CELF2: variants seen among roughly 807,000 people sequenced by gnomAD.
CELF2 encodes the protein CUG triplet repeat RNA-binding protein 2.
Under a neutral mutation model 62.6 loss-of-function variants are expected in CELF2, and 8 were observed. The ratio of observed to expected loss-of-function variants is 0.13; its 90% confidence interval spans 0.07 to 0.23. CELF2 has a LOEUF of 0.23. CELF2 is among the 10% of genes least tolerant of loss of function. CELF2 has a pLI of 1.00. For missense variants in CELF2, 333 were observed against 671.0 expected (o/e 0.50, Z 5.56); for synonymous variants, 258 against 250.0 (o/e 1.03, Z -0.30).
At chr10:10,669,892 T>C in the CELF2 span, among the ~76,000 whole-genome samples, 1 of 143,110 alleles carries the variant, frequency 7.0e-6, no homozygotes, top group Non-Finnish European at 1.5e-5. Context: ...CTGAGTCTCT[T>C]ATATGCCTTT....
At chr10:10,663,775 C>T in the CELF2 span, among the ~76,000 whole-genome samples, 3 of 152,288 alleles carry the variant, frequency 2.0e-5, no homozygotes, top group African/African-American at 7.2e-5. Flanking sequence ...TGAATCACAG[C>T]ATGCAACAGA....
the CELF2 span, among the ~76,000 whole-genome samples, chr10:10,624,619 G>A: frequency 7.9e-5 from 12 of 152,234 alleles, no homozygotes; most frequent in South Asian, 1.2e-3. Flanking sequence ...CATGTTTTCC[G>A]CACAGAAACC....
chr10:11,141,680 C>G (rs2061375047), intron 1 of CELF2, among the ~76,000 whole-genome samples: 1 of 152,220 alleles, frequency 6.6e-6, no homozygotes, highest in Admixed American at 6.5e-5. Context: ...ACTAATCAAT[C>G]ATTGCATGTT....
the CELF2 span, among the ~76,000 whole-genome samples, chr10:10,497,582 T>C: frequency 1.3e-5 from 2 of 151,624 alleles, no homozygotes; most frequent in African/African-American, 4.9e-5. Context: ...GGGTTGGGGA[T>C]GAGGGTTTTT....
chr10:10,974,396 C>G (rs575884520), intron 2 of CELF2, among the ~76,000 whole-genome samples: 1 of 152,092 alleles, frequency 6.6e-6, no homozygotes, highest in African/African-American at 2.4e-5. Context: ...GTGTTAGAAA[C>G]AGTAAGCCTG....
At position 11,018,221 on chromosome 10, in the gene CELF2, G is replaced by C. The variant is rs983811848; in HGVS notation, c.74+58G>C. ...CGGGCGTCCTCCTCCCAGAGTCGGC[G>C]GCGCGAAGGGGACGGGCGTCGCCCG... On this transcript the variant is annotated intron_variant, in intron 1 of 12. Coordinates refer to ENST00000633077, the MANE Select transcript of CELF2 (RefSeq NM_001326342.2). The C allele has an allele frequency of 4.2e-6, 6 of 1,430,998 alleles. No homozygotes were observed. The African/African-American group carries it at 9.0e-5, about 21-fold the overall frequency. The allele number at this position is 1,430,998 out of a possible 1,614,324, so 88.6% of individuals were successfully genotyped here.
intron 2 of CELF2, among the ~76,000 whole-genome samples, chr10:11,209,491 A>G (rs1048344120): frequency 6.6e-6 from 1 of 151,350 alleles, no homozygotes; most frequent in Non-Finnish European, 1.5e-5. Context: ...CTTTCTAAGA[A>G]TGTCATTTTG....
intron 1 of CELF2, among the ~76,000 whole-genome samples, chr10:10,831,961 G>T (rs2057896134): frequency 6.6e-6 from 1 of 151,486 alleles, no homozygotes; most frequent in Non-Finnish European, 1.5e-5. Flanking sequence ...GACAGAGCGA[G>T]ACTCCATCTT....
At chr10:10,556,987 T>G in the CELF2 span, among the ~76,000 whole-genome samples, 1 of 146,908 alleles carries the variant, frequency 6.8e-6, no homozygotes, top group Non-Finnish European at 1.5e-5. Flanking sequence ...GTAGGTTGCC[T>G]GTTCACTCTG....
chr10:10,554,976 G>T, the CELF2 span, among the ~76,000 whole-genome samples: 11 of 152,156 alleles, frequency 7.2e-5, no homozygotes, highest in African/African-American at 2.7e-4. Flanking sequence ...TACAGGAAAA[G>T]AAGGGCATGA....
chr10:11,217,369 AT>A lies in CELF2; in HGVS notation c.272-55del. On this transcript the variant is annotated intron_variant, in intron 2 of 12. Coordinates refer to ENST00000633077, the MANE Select transcript of CELF2 (RefSeq NM_001326342.2). This position sits in a 1 kb window ranked among gnomAD's most constrained non-coding sequence, Gnocchi z 5.6. ...TTGTTTGTTCGCCACAGTCTCCATT[AT>A]ATCTAAGCAAAGCATTCACAGAAAT... 8.1e-7 allele frequency: 1 copy of A among 1,237,742 alleles called. No individual in the cohort carries two copies. Among genetic ancestry groups the A allele is most frequent in the South Asian group, 1.3e-5 (1 of 79,726 alleles). 76.7% of individuals were successfully genotyped at this position (1,237,742 alleles called of 1,614,324 possible).
chr10:10,586,366 C>T, the CELF2 span, among the ~76,000 whole-genome samples: 3 of 152,176 alleles, frequency 2.0e-5, no homozygotes, highest in Admixed American at 6.6e-5. Flanking sequence ...CCAAATGAAA[C>T]TTACATGTTT....
At chr10:10,749,914 G>C in the CELF2 span, among the ~76,000 whole-genome samples, 2 of 152,222 alleles carry the variant, frequency 1.3e-5, no homozygotes, top group African/African-American at 2.4e-5. Flanking sequence ...ATCTTGGTAA[G>C]AACCTTGGGG....
At chr10:10,753,449 T>C in the CELF2 span, among the ~76,000 whole-genome samples, 24,930 of 152,054 alleles carry the variant, frequency 0.16, 2,446 homozygotes, top group East Asian at 0.29. Context: ...ATTCCACCAT[T>C]ACTTCCAATC....
chr10:11,135,015 G>A (rs1364865881), intron 1 of CELF2, among the ~76,000 whole-genome samples: 1 of 152,200 alleles, frequency 6.6e-6, no homozygotes, highest in Non-Finnish European at 1.5e-5. Flanking sequence ...ACCAGTGTTT[G>A]CACCTTCACA....
chr10:11,156,463 C>T lies in CELF2; in HGVS notation c.75-9023C>T, dbSNP rs666875. On this transcript the variant is annotated intron_variant, in intron 1 of 12. Coordinates refer to ENST00000633077, the MANE Select transcript of CELF2 (RefSeq NM_001326342.2). The surrounding 1 kb of genome is among the most constrained non-coding windows in gnomAD (Gnocchi z 4.3). ...ATATTGCAGCCCTCTTATTTAATAC[C>T]CTGCAACGCCCTCCCCTGCATGCTT... Among the ~76,000 whole-genome samples the T allele has an allele frequency of 0.29, 43,373 of 151,756 alleles. 7,180 individuals carry two copies. Among genetic ancestry groups the T allele is most frequent in the East Asian group, 0.74 (3,798 of 5,104 alleles).
At chr10:10,818,565 T>C (rs1333852339) in intron 1 of CELF2, among the ~76,000 whole-genome samples, 2 of 142,668 alleles carry the variant, frequency 1.4e-5, no homozygotes, top group Non-Finnish European at 1.5e-5. Context: ...TTTTTTTTTT[T>C]TCTTGAGACA....
chr10:11,257,708 C>T, intron 4 of CELF2, 30 bp from the exon 5 acceptor site: 2 of 1,608,796 alleles, frequency 1.2e-6, no homozygotes, highest in Non-Finnish European at 1.7e-6. Flanking sequence ...ATGAAATGGC[C>T]TTTGCTCATT....
the CELF2 span, among the ~76,000 whole-genome samples, chr10:10,715,260 G>C: frequency 3.9e-5 from 6 of 152,102 alleles, no homozygotes; most frequent in Non-Finnish European, 1.5e-5. Flanking sequence ...GGCACCTTTT[G>C]CTTTTTCAGT....
Sources: allele counts gnomAD v4.1 joint callset (sites outside exome capture counted in the v4.1 genomes callset), GRCh38; gene constraint gnomAD v4.1.1; non-coding constraint Gnocchi (gnomAD v3.1); transcripts MANE v1.5; gene names NCBI Gene and HGNC (gene_info 2026-07-23, HGNC 2026-07-21).